SULF1: variants seen among roughly 807,000 people sequenced by gnomAD.
SULF1 encodes sulfatase 1.
Under a neutral mutation model 110.5 loss-of-function variants are expected in SULF1, and 46 were observed. The observed-to-expected ratio is 0.42, with a 90% CI of 0.33 to 0.53. SULF1 has a LOEUF of 0.53. Ranked by LOEUF, SULF1 falls within the 20% of genes least tolerant of loss-of-function variation. SULF1 has a pLI of 0.12. For missense variants in SULF1, 941 were observed against 1,094.2 expected (o/e 0.86, Z 1.98); for synonymous variants, 371 against 387.1 (o/e 0.96, Z 0.49).
chr8:69,649,837 T>C (rs1477210125), intron 22 of SULF1, among the ~76,000 whole-genome samples: 1 of 152,080 alleles, frequency 6.6e-6, no homozygotes, highest in African/African-American at 2.4e-5. Flanking sequence ...ACTATAATTT[T>C]TTTCTTTTTT....
chr8:69,540,306 A>G (rs1014052325), intron 3 of SULF1, among the ~76,000 whole-genome samples: 2 of 152,246 alleles, frequency 1.3e-5, no homozygotes, highest in Non-Finnish European at 2.9e-5. Context: ...ATTTTCTACA[A>G]ATAGAGAACA....
intron 1 of SULF1, among the ~76,000 whole-genome samples, chr8:69,472,180 A>G (rs538859739): frequency 3.9e-5 from 6 of 152,176 alleles, no homozygotes; most frequent in Non-Finnish European, 7.4e-5. Context: ...CCACTGTGCT[A>G]TGCTGTTGGG....
chr8:69,543,065 GAGAT>G (rs1170656200), intron 3 of SULF1, among the ~76,000 whole-genome samples: 1 of 152,132 alleles, frequency 6.6e-6, no homozygotes, highest in African/African-American at 2.4e-5. Context: ...GTGGTTCTGT[GAGAT>G]AGAGATTTAG....
intron 3 of SULF1, among the ~76,000 whole-genome samples, chr8:69,524,574 C>T (rs1425045676): frequency 6.6e-6 from 1 of 152,136 alleles, no homozygotes. Context: ...GCCCCACCTC[C>T]AACACAGAAT....
intron 3 of SULF1, among the ~76,000 whole-genome samples, chr8:69,543,454 A>G (rs904992904): frequency 1.5e-4 from 22 of 150,084 alleles, no homozygotes; most frequent in African/African-American, 5.2e-4. Context: ...GCTCCCACTT[A>G]TAAGTGAGAA....
intron 1 of SULF1, among the ~76,000 whole-genome samples, chr8:69,479,360 A>G (rs1434035126): frequency 1.3e-5 from 2 of 152,232 alleles, no homozygotes; most frequent in Non-Finnish European, 2.9e-5. Context: ...GCCGCATAGC[A>G]TAAATTAAAA....
intron 22 of SULF1, among the ~76,000 whole-genome samples, chr8:69,644,990 G>A (rs1175940386): frequency 1.3e-5 from 2 of 152,158 alleles, no homozygotes; most frequent in Non-Finnish European, 2.9e-5. Flanking sequence ...AACAAGAGAT[G>A]GAGCAGGGGC....
chr8:69,561,525 G>A (rs921988956), intron 3 of SULF1, among the ~76,000 whole-genome samples: 4 of 152,324 alleles, frequency 2.6e-5, no homozygotes, highest in South Asian at 2.1e-4. Flanking sequence ...TTCCAGCAAA[G>A]GTTATCAGCA....
At chr8:69,476,207 G>A (rs141232901) in intron 1 of SULF1, among the ~76,000 whole-genome samples, 3 of 152,232 alleles carry the variant, frequency 2.0e-5, no homozygotes, top group East Asian at 3.9e-4. Flanking sequence ...TGAAATACAC[G>A]TTCCCTTCTT....
chr8:69,628,115 CA>C, intron 17 of SULF1, 55 bp from the exon 18 acceptor site: 1 of 1,403,840 alleles, frequency 7.1e-7, no homozygotes, highest in Non-Finnish European at 1.0e-6. Flanking sequence ...ATAAAATGAA[CA>C]CTTTGATCCA....
Position 69,591,580 on chromosome 8 carries a change from A to G in SULF1, c.734+2439A>G, listed in dbSNP as rs575869205. Among the ~76,000 whole-genome samples the G allele has an allele frequency of 9.1e-4, 137 of 151,368 alleles. 1 individual carries two copies. Among genetic ancestry groups the G allele is most frequent in the African/African-American group, 3.1e-3 (128 of 41,306 alleles). The stretch of plus-strand genomic sequence containing the variant: ...CTCTGTCTTAAAAAAAAAAACAAAG[A>G]AAAGAAAAGAAAAACATCTCTGATT... On this transcript the variant is annotated intron_variant, in intron 8 of 22. Coordinates refer to ENST00000402687, the MANE Select transcript of SULF1 (RefSeq NM_001128205.2).
chr8:69,589,057 T>C lies in SULF1; in HGVS notation c.650T>C (p.Met217Thr). Residue 217 changes from methionine (M) to threonine (T), a missense_variant, in exon 8 of 23, where the codon ATG becomes ACG. Met to Thr is a moderately conservative substitution (Grantham distance 81). This residue lies in a region of SULF1 where 822 missense variants were observed against 934.3 expected (regional missense o/e 0.88). Coordinates refer to ENST00000402687, the MANE Select transcript of SULF1 (RefSeq NM_001128205.2). ...ATGTATCCCCATAGGCCCGTTATGA[T>C]GGTGATCAGCCACGCTGCGCCCCAC... ...KRMYPHRPVM[M>T]VISHAAPHGP... 3 of 1,614,236 alleles carry C rather than the reference T, an allele frequency of 1.9e-6. No homozygotes were observed. Among genetic ancestry groups the C allele is most frequent in the Non-Finnish European group, 2.5e-6 (3 of 1,180,020 alleles).
intron 19 of SULF1, among the ~76,000 whole-genome samples, chr8:69,632,659 T>G (rs1213667664): frequency 1.3e-5 from 2 of 152,180 alleles, no homozygotes; most frequent in Non-Finnish European, 2.9e-5. Context: ...CCCATATCAA[T>G]TTTTAAAATA....
intron 13 of SULF1, among the ~76,000 whole-genome samples, chr8:69,607,794 TGACACTGAATTGTTCAG>T (rs1808341064): frequency 6.6e-6 from 1 of 152,216 alleles, no homozygotes; most frequent in African/African-American, 2.4e-5. Flanking sequence ...TTCAGAATAA[TGACACTGAATTGTTCAG>T]GTTCGAGGTG....
At chr8:69,526,200 A>T (rs567708378) in intron 3 of SULF1, among the ~76,000 whole-genome samples, 1 of 152,254 alleles carries the variant, frequency 6.6e-6, no homozygotes, top group South Asian at 2.1e-4. Context: ...CTCACTGACC[A>T]GCATCTTGAG....
chr8:69,489,686 C>T (rs1187553588), upstream of SULF1, among the ~76,000 whole-genome samples: 4 of 150,386 alleles, frequency 2.7e-5, no homozygotes, highest in African/African-American at 7.4e-5. Flanking sequence ...AGGCCATTCT[C>T]CTACCTCAGC....
upstream of SULF1, among the ~76,000 whole-genome samples, chr8:69,491,418 C>A (rs1234706646): frequency 6.6e-6 from 1 of 152,214 alleles, no homozygotes; most frequent in Non-Finnish European, 1.5e-5. Context: ...TCTGAAAAAT[C>A]TCACCTTTGG....
intron 13 of SULF1, among the ~76,000 whole-genome samples, chr8:69,608,427 C>A (rs1287307061): frequency 6.6e-6 from 1 of 152,222 alleles, no homozygotes; most frequent in Non-Finnish European, 1.5e-5. Flanking sequence ...TGCCTATAAT[C>A]CCAACACTTT....
chr8:69,613,488 C>T (rs998220351), intron 13 of SULF1, among the ~76,000 whole-genome samples: 3 of 151,914 alleles, frequency 2.0e-5, no homozygotes, highest in Admixed American at 6.6e-5. Flanking sequence ...TTAGTGGATA[C>T]TTCAGGAAGG....
Sources: allele counts gnomAD v4.1 joint callset (sites outside exome capture counted in the v4.1 genomes callset), GRCh38; gene constraint gnomAD v4.1.1; regional missense constraint gnomAD v4.1.1; transcripts MANE v1.5; gene names NCBI Gene and HGNC (gene_info 2026-07-23, HGNC 2026-07-21).